Variants in PCDH15 observed in about 807,000 individuals in gnomAD.
PCDH15 encodes the protein protocadherin-15.
PCDH15 carries 129 observed loss-of-function variants against 178.5 expected under a neutral mutation model. The observed-to-expected ratio is 0.72, with a 90% confidence interval of 0.63 to 0.84. PCDH15 has a LOEUF of 0.84. Among genes scored for constraint, PCDH15 ranks in the 40% least tolerant of loss-of-function variants. The pLI, the probability that PCDH15 is intolerant of heterozygous loss-of-function variation, is 0.00. For synonymous variants in PCDH15, 800 were observed against 732.0 expected (o/e 1.09, Z -1.50); for missense variants, 2,230 against 2,099.9 (o/e 1.06, Z -1.21).
intron 2 of PCDH15, among the ~76,000 whole-genome samples, chr10:55,328,205 G>A (rs187092614): frequency 6.7e-5 from 10 of 150,350 alleles, no homozygotes; most frequent in Admixed American, 4.0e-4. Flanking sequence ...ACTACACTAT[G>A]CATATATATT....
intron 13 of PCDH15, among the ~76,000 whole-genome samples, chr10:54,160,784 G>T (rs925585668): frequency 2.6e-5 from 4 of 152,054 alleles, no homozygotes; most frequent in Admixed American, 6.6e-5. Context: ...TCAATAAATG[G>T]CTAATAAGCA....
intron 2 of PCDH15, among the ~76,000 whole-genome samples, chr10:54,564,703 T>C (rs2088742166): frequency 6.6e-6 from 1 of 152,072 alleles, no homozygotes; most frequent in South Asian, 2.1e-4. Context: ...TCCCTACATC[T>C]TAGAGTGAGA....
At chr10:54,795,364 C>T (rs1364674203) in intron 1 of PCDH15, among the ~76,000 whole-genome samples, 1 of 151,844 alleles carries the variant, frequency 6.6e-6, no homozygotes, top group Non-Finnish European at 1.5e-5. Context: ...ACTATTACTT[C>T]AGTTGGCCTT....
chr10:55,385,435 T>A (rs1837631819), intron 2 of PCDH15, among the ~76,000 whole-genome samples: 1 of 151,984 alleles, frequency 6.6e-6, no homozygotes, highest in Non-Finnish European at 1.5e-5. Flanking sequence ...TAACTGCCAC[T>A]ATATGAGGGA....
At chr10:54,434,744 T>A (rs2075269023) in intron 3 of PCDH15, among the ~76,000 whole-genome samples, 1 of 152,180 alleles carries the variant, frequency 6.6e-6, no homozygotes, top group Admixed American at 6.5e-5. Flanking sequence ...TGTGACAAAT[T>A]CACTCTCTAG....
At chr10:54,026,862 C>A (rs2093115266) in intron 18 of PCDH15, among the ~76,000 whole-genome samples, 1 of 151,966 alleles carries the variant, frequency 6.6e-6, no homozygotes. Flanking sequence ...TGGAAGCATT[C>A]CCCTTGAAAA....
At chr10:55,470,657 C>G (rs145712628) in intron 2 of PCDH15, among the ~76,000 whole-genome samples, 1 of 152,196 alleles carries the variant, frequency 6.6e-6, no homozygotes, top group Non-Finnish European at 1.5e-5. Flanking sequence ...TACAGTGACA[C>G]GTCAAATGCA....
At chr10:55,144,156 T>C (rs1024158313) in intron 2 of PCDH15, among the ~76,000 whole-genome samples, 2 of 152,004 alleles carry the variant, frequency 1.3e-5, no homozygotes, top group Admixed American at 6.6e-5. Context: ...TCAAAGCCAA[T>C]ATAACTGATT....
chr10:54,439,623 T>C (rs1238882195), intron 3 of PCDH15, among the ~76,000 whole-genome samples: 2 of 152,042 alleles, frequency 1.3e-5, no homozygotes, highest in East Asian at 3.8e-4. Context: ...GGGCTTTGAA[T>C]TTTATGGATG....
intron 13 of PCDH15, among the ~76,000 whole-genome samples, chr10:54,159,134 G>A (rs1316662078): frequency 4.0e-5 from 6 of 150,982 alleles, no homozygotes; most frequent in African/African-American, 1.5e-4. Context: ...GTGAATTATG[G>A]CTTAATTGAT....
intron 15 of PCDH15, among the ~76,000 whole-genome samples, chr10:54,116,198 T>G (rs973250667): frequency 7.2e-6 from 1 of 138,030 alleles, no homozygotes; most frequent in African/African-American, 2.8e-5. Context: ...TTGAGTAAGA[T>G]GAGAAATTAA....
intron 1 of PCDH15, among the ~76,000 whole-genome samples, chr10:54,778,325 C>T (rs1949925871): frequency 6.6e-6 from 1 of 151,580 alleles, no homozygotes; most frequent in Non-Finnish European, 1.5e-5. Flanking sequence ...ATTTATATTA[C>T]ATTAACTAAG....
chr10:54,506,921 T>G (rs1401652749), intron 3 of PCDH15, among the ~76,000 whole-genome samples: 2 of 152,030 alleles, frequency 1.3e-5, no homozygotes, highest in African/African-American at 4.8e-5. Context: ...CAGATTCTTT[T>G]TATGGGCAAA....
chr10:54,313,572 A>C (rs748677453), intron 8 of PCDH15, among the ~76,000 whole-genome samples: 6 of 152,112 alleles, frequency 3.9e-5, no homozygotes, highest in Non-Finnish European at 8.8e-5. Context: ...CAATTTTTGC[A>C]TGTAGAGCTA....
chr10:54,213,972 G>A lies in PCDH15; in HGVS notation c.1062C>T (p.Asn354=). 6.2e-7 allele frequency: 1 copy of A among 1,610,538 alleles called. No individual in the cohort carries two copies. The highest frequency in any genetic ancestry group is 8.5e-7 in the Non-Finnish European group (1 of 1,176,992). The change falls in exon 10 of 38, where the codon AAC becomes AAT. Residue 354 remains asparagine (N), a synonymous_variant. Transcript: ENST00000644397. ...AATCAAATTTCTGGTGAAAGTCTCT[G>A]TTTACTGGCTCCAGGAGACTAAGTT... The part of the protein sequence containing the change: ...TAELSLLEPV[N]RDFHQKFDLV...
At chr10:54,452,769 T>A (rs957267345) in intron 3 of PCDH15, among the ~76,000 whole-genome samples, 1 of 152,082 alleles carries the variant, frequency 6.6e-6, no homozygotes, top group Admixed American at 6.6e-5. Flanking sequence ...TGAGTCCATC[T>A]CTTTTGTTGG....
At chr10:55,295,919 C>T (rs1041075365) in intron 1 of PCDH15, among the ~76,000 whole-genome samples, 4 of 151,978 alleles carry the variant, frequency 2.6e-5, no homozygotes, top group Admixed American at 6.6e-5. Flanking sequence ...AAACATTTCC[C>T]CACACTTCAG....
intron 20 of PCDH15, among the ~76,000 whole-genome samples, chr10:54,002,527 A>G (rs370195742): frequency 2.8e-4 from 43 of 152,350 alleles, no homozygotes; most frequent in African/African-American, 9.9e-4. Context: ...CTAAAAATCA[A>G]TAACAACATA....
At chr10:54,853,703 A>G (rs1376239712) in intron 3 of PCDH15, among the ~76,000 whole-genome samples, 1 of 152,020 alleles carries the variant, frequency 6.6e-6, no homozygotes, top group Non-Finnish European at 1.5e-5. Flanking sequence ...AACTGAATAG[A>G]CAGGTTTTCT....
Sources: gnomAD v4.1 joint callset for allele counts (sites outside exome capture counted in the v4.1 genomes callset) on GRCh38, gnomAD v4.1.1 for gene constraint, MANE v1.5 for transcripts, NCBI Gene and HGNC (gene_info 2026-07-23, HGNC 2026-07-21) for gene names.